Variants in MICU3 observed in about 807,000 individuals in gnomAD.
The protein encoded by MICU3 is calcium uptake protein 3, mitochondrial.
A neutral mutation model predicts 66.5 loss-of-function variants in MICU3; 62 were observed. The observed-to-expected ratio is 0.93, with a 90% CI of 0.76 to 1.15. The LOEUF is 1.15. Ranked by LOEUF, MICU3 falls within the 50% of genes most tolerant of loss-of-function variation. The pLI is 0.00. For synonymous variants in MICU3, 308 were observed against 240.7 expected, an observed-to-expected ratio of 1.28 and a Z score of -2.59; for missense variants, 779 against 664.4, an observed-to-expected ratio of 1.17 and a Z score of -1.90.
intron 12 of MICU3, among the ~76,000 whole-genome samples, chr8:17,115,695 A>G (rs1012157524): frequency 7.9e-5 from 12 of 152,150 alleles, no homozygotes; most frequent in African/African-American, 2.9e-4. Flanking sequence ...TTTCTTAAAA[A>G]ATTAACTTTT....
chr8:17,133,782 C>A, the MICU3 span, among the ~76,000 whole-genome samples: 1 of 152,084 alleles, frequency 6.6e-6, no homozygotes, highest in South Asian at 2.1e-4. Context: ...TAATATAATG[C>A]AAATTATATT....
In MICU3 at chr8:17,072,725, T is replaced by G. The variant is rs568649838; in HGVS notation, c.567+3006T>G. On this transcript the variant is annotated intron_variant, in intron 3 of 14. Coordinates refer to ENST00000318063, the MANE Select transcript of MICU3 (RefSeq NM_181723.3). ...GCCTACAATGGCCACTGAATATATG[T>G]AAAGGAGGTGAACCTTACTAGTAAC... Among the ~76,000 whole-genome samples, 5 of 152,150 alleles carry G rather than the reference T, an allele frequency of 3.3e-5. No homozygotes were observed. The East Asian group carries it at 7.7e-4, about 24-fold the overall frequency.
At chr8:17,135,422 C>T in the MICU3 span, among the ~76,000 whole-genome samples, 2 of 151,344 alleles carry the variant, frequency 1.3e-5, no homozygotes, top group Non-Finnish European at 2.9e-5. Flanking sequence ...GACATTTTTC[C>T]GTTAGATTTT....
intron 11 of MICU3, among the ~76,000 whole-genome samples, chr8:17,109,646 G>A (rs1182923608): frequency 6.6e-6 from 1 of 152,082 alleles, no homozygotes. Context: ...GTTCCTCTAA[G>A]GAAGGAAACT....
chr8:17,056,802 C>T (rs187440597), intron 1 of MICU3, among the ~76,000 whole-genome samples: 36 of 152,292 alleles, frequency 2.4e-4, no homozygotes, highest in African/African-American at 8.7e-4. Flanking sequence ...TGGAAGGTGG[C>T]CTTCGTGAGA....
At chr8:17,078,902 T>C (rs1431861728) in intron 4 of MICU3, among the ~76,000 whole-genome samples, 1 of 152,138 alleles carries the variant, frequency 6.6e-6, no homozygotes, top group Admixed American at 6.6e-5. Context: ...GTCTTAAAGA[T>C]TGCCATTCAG....
intron 8 of MICU3, among the ~76,000 whole-genome samples, chr8:17,091,157 A>C (rs1281789847): frequency 6.6e-6 from 1 of 152,090 alleles, no homozygotes; most frequent in Non-Finnish European, 1.5e-5. Context: ...AATGACTTTC[A>C]GACTTTTCTT....
the MICU3 span, among the ~76,000 whole-genome samples, chr8:17,127,735 A>G: frequency 4.6e-5 from 7 of 152,222 alleles, no homozygotes; most frequent in Admixed American, 1.3e-4. Context: ...GCAAATTAAC[A>G]TATGTGTTTT....
intron 13 of MICU3, among the ~76,000 whole-genome samples, chr8:17,117,645 GT>G (rs1802812140): frequency 7.9e-6 from 1 of 126,596 alleles, no homozygotes; most frequent in African/African-American, 3.1e-5. Context: ...GTCTTGCTCT[GT>G]TGCCCAGGCT....
intron 1 of MICU3, among the ~76,000 whole-genome samples, chr8:17,030,005 T>G (rs1585135678): frequency 6.6e-6 from 1 of 152,216 alleles, no homozygotes; most frequent in African/African-American, 2.4e-5. Flanking sequence ...CTTCCAACCT[T>G]CCTACTGAAT....
At chr8:17,112,736 A>T (rs1802317544) in intron 11 of MICU3, among the ~76,000 whole-genome samples, 1 of 152,056 alleles carries the variant, frequency 6.6e-6, no homozygotes, top group Non-Finnish European at 1.5e-5. Flanking sequence ...TTTTCCCTTT[A>T]TTTAAAAATA....
intron 1 of MICU3, among the ~76,000 whole-genome samples, chr8:17,051,286 C>T (rs959616340): frequency 6.6e-6 from 1 of 152,118 alleles, no homozygotes; most frequent in Admixed American, 6.6e-5. Context: ...GTAAGCTTTA[C>T]ACCCACATTC....
At chr8:17,035,209 T>G (rs768238817) in intron 1 of MICU3, among the ~76,000 whole-genome samples, 6 of 152,182 alleles carry the variant, frequency 3.9e-5, no homozygotes, top group South Asian at 2.1e-4. Context: ...ACATCTTTCC[T>G]TTATACATTA....
At chr8:17,098,413 T>A (rs758283207) in intron 8 of MICU3, 45 bp from the exon 9 acceptor site, 1 of 1,158,786 alleles carries the variant, frequency 8.6e-7, no homozygotes, top group East Asian at 2.3e-5. Context: ...TCATTCTTTG[T>A]AACTATTCTT....
intron 8 of MICU3, among the ~76,000 whole-genome samples, chr8:17,092,545 C>T (rs558368612): frequency 1.5e-3 from 232 of 151,948 alleles, no homozygotes; most frequent in African/African-American, 5.2e-3. Context: ...AAAATGCACA[C>T]ATTAAAGTGA....
At chr8:17,056,872 A>G (rs1817024505) in intron 1 of MICU3, among the ~76,000 whole-genome samples, 1 of 152,210 alleles carries the variant, frequency 6.6e-6, no homozygotes, top group Non-Finnish European at 1.5e-5. Context: ...ATAGCTGGAA[A>G]AGTATTGGAG....
At chr8:17,035,107 C>T (rs547218852) in intron 1 of MICU3, among the ~76,000 whole-genome samples, 194 of 152,298 alleles carry the variant, frequency 1.3e-3, no homozygotes, top group African/African-American at 4.4e-3. Context: ...ACTGTCTTTC[C>T]TGCCGCCATG....
chr8:17,137,318 A>G, the MICU3 span, among the ~76,000 whole-genome samples: 1 of 152,030 alleles, frequency 6.6e-6, no homozygotes. Context: ...ATTGCCCAAT[A>G]TAAGCAGTAA....
chr8:17,115,035 C>G (rs369887549), intron 12 of MICU3, among the ~76,000 whole-genome samples: 1 of 149,258 alleles, frequency 6.7e-6, no homozygotes, highest in Non-Finnish European at 1.5e-5. Flanking sequence ...AGGAGAATGG[C>G]GTGAACCCGG....
Sources: allele counts gnomAD v4.1 joint callset (sites outside exome capture counted in the v4.1 genomes callset), GRCh38; gene constraint gnomAD v4.1.1; transcripts MANE v1.5; gene names NCBI Gene and HGNC (gene_info 2026-07-23, HGNC 2026-07-21).